The following RALGAPA1 variants were observed in gnomAD, a reference collection of about 807,000 sequenced individuals.
RALGAPA1 encodes ral GTPase-activating protein subunit alpha-1.
RALGAPA1 carries 52 observed loss-of-function variants against 269.6 expected under a neutral mutation model. The observed-to-expected ratio is 0.19, with a 90% confidence interval of 0.15 to 0.24. RALGAPA1 has a LOEUF of 0.24. Among genes scored for constraint, RALGAPA1 ranks in the 10% least tolerant of loss-of-function variants. RALGAPA1 has a pLI of 1.00. For missense variants in RALGAPA1, 1,917 were observed against 3,013.9 expected (o/e 0.64, Z 8.52); for synonymous variants, 817 against 1,008.3 (o/e 0.81, Z 3.60).
intron 12 of RALGAPA1, among the ~76,000 whole-genome samples, chr14:35,734,004 G>A (rs868593261): frequency 1.9e-4 from 29 of 152,000 alleles, no homozygotes; most frequent in African/African-American, 6.3e-4. Context: ...CCAAGGAGGC[G>A]AAAGACCTCT....
intron 39 of RALGAPA1, among the ~76,000 whole-genome samples, chr14:35,551,526 G>A (rs1031583287): frequency 6.6e-6 from 1 of 152,064 alleles, no homozygotes; most frequent in Non-Finnish European, 1.5e-5. Context: ...GTAGGGTGGA[G>A]ACACCTACCT....
In RALGAPA1 at chr14:35,770,994, A is replaced by C. The variant is rs755510156; in HGVS notation, c.273T>G (p.Ile91Met). 1 of 1,359,024 alleles carries C rather than the reference A, an allele frequency of 7.4e-7. No individual in the cohort carries two copies. The highest frequency in any genetic ancestry group is 1.0e-6 in the Non-Finnish European group (1 of 977,142). 84.2% of individuals were successfully genotyped at this position (1,359,024 alleles called of 1,614,324 possible). Residue 91 changes from isoleucine (I) to methionine (M), a missense_variant, in exon 4 of 42, where the codon ATT becomes ATG. Physicochemically the swap from Ile to Met is conservative, Grantham distance 10. Coordinates refer to ENST00000680220, the MANE Select transcript of RALGAPA1 (RefSeq NM_001346249.2). Reference protein sequence around the residue: ...LDAILFIFEKILQLLPERIHQ... With the variant: ...LDAILFIFEKMLQLLPERIHQ... ...GAATTCTTTCTGGAAGAAGTTGTAAAATTTTCTAAAAATCAATATAAAGAG... is the reference window on the plus strand; with the variant it reads ...GAATTCTTTCTGGAAGAAGTTGTAACATTTTCTAAAAATCAATATAAAGAG...
intron 36 of RALGAPA1, among the ~76,000 whole-genome samples, chr14:35,600,232 C>CTTTT (rs71124708): frequency 0.17 from 14,726 of 86,310 alleles, 1,422 homozygotes; most frequent in African/African-American, 0.25. Context: ...TTCTTTTTTT[C>CTTTT]TTTTTTTTTT....
chr14:35,759,268 T>C (rs894260625), intron 6 of RALGAPA1, among the ~76,000 whole-genome samples: 8 of 152,198 alleles, frequency 5.3e-5, no homozygotes, highest in African/African-American at 1.4e-4. Flanking sequence ...CCTAAATTTA[T>C]AGAAATAAAA....
chr14:35,642,276 G>A (rs1236961584), intron 31 of RALGAPA1, among the ~76,000 whole-genome samples: 5 of 152,106 alleles, frequency 3.3e-5, no homozygotes, highest in Admixed American at 2.0e-4. Flanking sequence ...ATTCTGCACG[G>A]CAAAGTAAAT....
chr14:35,769,480 C>T (rs925595231), intron 4 of RALGAPA1, among the ~76,000 whole-genome samples: 1 of 152,128 alleles, frequency 6.6e-6, no homozygotes, highest in Non-Finnish European at 1.5e-5. Context: ...CAGTTAGGTA[C>T]TATGTTCACC....
intron 1 of RALGAPA1, among the ~76,000 whole-genome samples, chr14:35,797,577 G>A (rs1469984143): frequency 6.6e-6 from 1 of 151,912 alleles, no homozygotes; most frequent in Non-Finnish European, 1.5e-5. Flanking sequence ...CGGGTGCAGT[G>A]GCTCACGCCT....
chr14:35,656,025 G>T (rs1595000609), intron 28 of RALGAPA1, 110 bp from the exon 29 acceptor site: 1 of 1,553,732 alleles, frequency 6.4e-7, no homozygotes, highest in Admixed American at 2.1e-5. Context: ...ATGAATTAAT[G>T]AATTTGTTAC....
At chr14:35,762,780 T>C in intron 4 of RALGAPA1, 27 bp from the exon 5 acceptor site, 1 of 1,288,106 alleles carries the variant, frequency 7.8e-7, no homozygotes, top group Non-Finnish European at 1.1e-6. Flanking sequence ...ATTTTAAATA[T>C]TCACATCTTA....
chr14:35,721,666 C>T, intron 16 of RALGAPA1, 22 bp downstream of exon 16: 2 of 1,605,780 alleles, frequency 1.2e-6, no homozygotes, highest in Non-Finnish European at 1.7e-6. Flanking sequence ...GTACCATTCT[C>T]ATGATTTTCA....
chr14:35,606,155 C>T (rs188646256), intron 35 of RALGAPA1, among the ~76,000 whole-genome samples: 5 of 152,232 alleles, frequency 3.3e-5, no homozygotes, highest in East Asian at 3.9e-4. Context: ...AAAGTACTTA[C>T]GAGGTAGAAG....
chr14:35,728,576 GAAAC>G, intron 12 of RALGAPA1, 66 bp from the exon 13 acceptor site: 1 of 1,491,888 alleles, frequency 6.7e-7, no homozygotes, highest in South Asian at 1.5e-5. Context: ...TATTCAAAGA[GAAAC>G]AGACACTGAT....
intron 4 of RALGAPA1, chr14:35,766,681 T>C (rs2074177068): frequency 3.1e-6 from 2 of 638,900 alleles, no homozygotes; most frequent in Non-Finnish European, 6.0e-6. Context: ...GGAAATGTTT[T>C]CTTGTTAAAA....
At chr14:35,703,896 A>G (rs2067573959) in intron 16 of RALGAPA1, among the ~76,000 whole-genome samples, 2 of 152,222 alleles carry the variant, frequency 1.3e-5, no homozygotes, top group South Asian at 4.1e-4. Flanking sequence ...ACCTTGGACC[A>G]TACAGACTAT....
intron 35 of RALGAPA1, among the ~76,000 whole-genome samples, chr14:35,606,739 C>G (rs1380979717): frequency 3.4e-5 from 5 of 147,098 alleles, no homozygotes; most frequent in African/African-American, 1.3e-4. Context: ...GTTTTCACTA[C>G]TATACCATGT....
In RALGAPA1 at chr14:35,743,921, C is replaced by T. The variant is rs571280225; in HGVS notation, c.1252-1356G>A. ...ATCTTAAAAAAAATATTTTCCTTATCACAAATACACATTTTCATAGAAAAA... is the reference window on the plus strand; with the variant it reads ...ATCTTAAAAAAAATATTTTCCTTATTACAAATACACATTTTCATAGAAAAA... On this transcript the variant is annotated intron_variant, in intron 10 of 41. Transcript: ENST00000680220. 5.3e-5 allele frequency among the ~76,000 whole-genome samples: 8 copies of T among 152,076 alleles called. No individual in the cohort carries two copies. In the South Asian group the frequency reaches 1.5e-3, roughly 28 times the overall value.
intron 12 of RALGAPA1, among the ~76,000 whole-genome samples, chr14:35,730,579 C>T (rs1337897441): frequency 6.6e-6 from 1 of 152,170 alleles, no homozygotes; most frequent in Non-Finnish European, 1.5e-5. Flanking sequence ...CTTCAGATTG[C>T]TTGGGAGGTG....
At chr14:35,747,690 C>G (rs1056065526) in intron 10 of RALGAPA1, among the ~76,000 whole-genome samples, 3 of 152,104 alleles carry the variant, frequency 2.0e-5, no homozygotes, top group African/African-American at 7.2e-5. Flanking sequence ...GAAGATCTAC[C>G]ACTTACTTGC....
chr14:35,719,839 C>T (rs373918027), intron 16 of RALGAPA1, among the ~76,000 whole-genome samples: 11 of 152,164 alleles, frequency 7.2e-5, no homozygotes, highest in Admixed American at 2.6e-4. Flanking sequence ...CAACCTCTGC[C>T]GCCTGGGTTC....
Sources: allele counts gnomAD v4.1 joint callset (sites outside exome capture counted in the v4.1 genomes callset), GRCh38; gene constraint gnomAD v4.1.1; transcripts MANE v1.5; gene names NCBI Gene and HGNC (gene_info 2026-07-23, HGNC 2026-07-21).